Variants in AMDHD1 observed in about 807,000 individuals in gnomAD.
AMDHD1 encodes probable imidazolonepropionase.
In AMDHD1, 45 loss-of-function variants were observed where a neutral mutation model predicts 44.1. The ratio of observed to expected loss-of-function variants is 1.02; its 90% confidence interval spans 0.80 to 1.31. AMDHD1 has a LOEUF of 1.31. AMDHD1 is among the 50% of genes most tolerant of loss of function. The pLI is 0.00. For missense variants in AMDHD1, 586 were observed against 552.1 expected (o/e 1.06, Z -0.61); for synonymous variants, 206 against 205.0 (o/e 1.00, Z -0.04).
At position 95,954,975 on chromosome 12, in the gene AMDHD1, G is replaced by A; in HGVS notation, c.309G>A (p.Lys103=). The A allele has an allele frequency of 6.2e-7, 1 of 1,613,986 alleles. No individual in the cohort carries two copies. Among genetic ancestry groups the A allele is most frequent in the Non-Finnish European group, 8.5e-7 (1 of 1,179,888 alleles). ...AAAGAGTTCACGAATTTGCAATGAA[G>A]GTAACTGCAACAAATCATGGCAAAT... The part of the protein sequence containing the change: ...AGERVHEFAM[K]LAGATYMEIH... Residue 103 remains lysine (K), a splice_region_variant and synonymous_variant, in exon 3 of 9, where the codon AAG becomes AAA. Transcript: ENST00000266736.
At chr12:95,948,069 CCG>C (rs2080507546) in intron 1 of AMDHD1, among the ~76,000 whole-genome samples, 1 of 73,058 alleles carries the variant, frequency 1.4e-5, no homozygotes, top group Admixed American at 1.4e-4. Context: ...GCCAGCCGCC[CCG>C]TCTGGGAGTT....
chr12:95,964,749 A>G (rs2080600228), intron 6 of AMDHD1, among the ~76,000 whole-genome samples: 1 of 152,024 alleles, frequency 6.6e-6, no homozygotes, highest in Non-Finnish European at 1.5e-5. Context: ...TCATTGCTTT[A>G]ACGAGCTTTT....
intron 2 of AMDHD1, 30 bp from the exon 3 acceptor site, chr12:95,954,881 T>C (rs1167829217): frequency 2.5e-6 from 4 of 1,610,330 alleles, no homozygotes; most frequent in African/African-American, 2.7e-5. Context: ...TATTTCTTAA[T>C]TGTAAGATAA....
chr12:95,965,756 C>T lies in AMDHD1; in HGVS notation c.1009C>T (p.Pro337Ser). The T allele has an allele frequency of 6.2e-7, 1 of 1,611,680 alleles. No individual in the cohort carries two copies. The highest frequency in any genetic ancestry group is 8.5e-7 in the Non-Finnish European group (1 of 1,178,820). The stretch of plus-strand genomic sequence containing the variant: ...AGTTGCTCTGGGAAGTGATTTCAAC[C>T]CCAATGCATATTGCTTTTCAATGGT... ...VIVALGSDFN[P>S]NAYCFSMPMV... is the part of the protein sequence containing the mutation. The change falls in exon 7 of 9, where the codon CCC becomes TCC. Residue 337 changes from proline (P) to serine (S), a missense_variant. Coordinates refer to ENST00000266736, the MANE Select transcript of AMDHD1 (RefSeq NM_152435.3).
intron 5 of AMDHD1, 98 bp downstream of exon 5, chr12:95,960,721 T>C (rs2080577351): frequency 7.3e-6 from 9 of 1,228,548 alleles, no homozygotes; most frequent in African/African-American, 1.5e-5. Flanking sequence ...TCTGAAAAGA[T>C]ATTGAATGGG....
intron 4 of AMDHD1, among the ~76,000 whole-genome samples, chr12:95,958,263 T>C (rs1207653750): frequency 6.6e-6 from 1 of 152,050 alleles, no homozygotes; most frequent in East Asian, 1.9e-4. Context: ...TTAGCTATAG[T>C]CACTTTTTAA....
At chr12:95,963,915 A>C (rs1592826826) in intron 6 of AMDHD1, among the ~76,000 whole-genome samples, 1 of 151,584 alleles carries the variant, frequency 6.6e-6, no homozygotes, top group Non-Finnish European at 1.5e-5. Flanking sequence ...TGTAGTCCCA[A>C]CTACTCGGGA....
At chr12:95,966,697 A>C (rs770586555) in intron 8 of AMDHD1, among the ~76,000 whole-genome samples, 189 bp downstream of exon 8, 1 of 152,310 alleles carries the variant, frequency 6.6e-6, no homozygotes, top group East Asian at 1.9e-4. Context: ...GGGTAGACCA[A>C]GTTTTCAAGA....
intron 5 of AMDHD1, among the ~76,000 whole-genome samples, chr12:95,961,921 A>G (rs767589436): frequency 6.6e-6 from 1 of 152,232 alleles, no homozygotes; most frequent in Non-Finnish European, 1.5e-5. Flanking sequence ...TTGGGCTTAC[A>G]ACGGTTGGTT....
intron 4 of AMDHD1, among the ~76,000 whole-genome samples, chr12:95,957,320 G>A (rs1318184911): frequency 6.6e-6 from 1 of 152,176 alleles, no homozygotes; most frequent in Admixed American, 6.5e-5. Context: ...TGCTCTTTAA[G>A]AGGTAGCTCA....
At chr12:95,948,026 G>C (rs1222830256) in intron 1 of AMDHD1, among the ~76,000 whole-genome samples, 1 of 101,800 alleles carries the variant, frequency 9.8e-6, no homozygotes, top group African/African-American at 4.1e-5. Context: ...CGCCCTGTCC[G>C]GGAGGGAGGT....
At chr12:95,949,492 CAT>C (rs1368988875) in intron 1 of AMDHD1, among the ~76,000 whole-genome samples, 1 of 152,136 alleles carries the variant, frequency 6.6e-6, no homozygotes. Context: ...AATAAAACCA[CAT>C]GTGCCTATTA....
intron 3 of AMDHD1, among the ~76,000 whole-genome samples, chr12:95,955,690 AAG>A (rs2136764058): frequency 1.3e-5 from 2 of 152,324 alleles, no homozygotes; most frequent in East Asian, 3.9e-4. Context: ...TAGATGGAGA[AAG>A]CTGGGTCTAG....
chr12:95,960,435 A>G lies in AMDHD1; in HGVS notation c.625A>G (p.Asn209Asp), dbSNP rs1428260664. Residue 209 changes from asparagine to aspartate, a missense_variant, in exon 5 of 9, where the codon AAT (asparagine) becomes GAT (aspartate). Physicochemically the swap from Asn to Asp is conservative, Grantham distance 23 (BLOSUM62 1). Coordinates refer to ENST00000266736, the MANE Select transcript of AMDHD1 (RefSeq NM_152435.3). ...TATEAADDIINNHLPKLKELG... is the reference protein window; with the variant it reads ...TATEAADDIIDNHLPKLKELG... ...TACTGAAGCTGCTGATGACATCATC[A>G]ATAACCACCTCCCAAAGCTGAAGGA... 1 of 1,614,226 alleles carries G rather than the reference A, an allele frequency of 6.2e-7. No homozygotes were observed. Among genetic ancestry groups the G allele is most frequent in the Non-Finnish European group, 8.5e-7 (1 of 1,180,040 alleles).
At chr12:95,946,425 C>T (rs1026104328) in intron 1 of AMDHD1, among the ~76,000 whole-genome samples, 11 of 151,986 alleles carry the variant, frequency 7.2e-5, no homozygotes, top group East Asian at 1.9e-4. Flanking sequence ...TTGTGCTCAG[C>T]GTAGAGGATG....
At chr12:95,962,282 G>T in intron 5 of AMDHD1, 73 bp from the exon 6 acceptor site, 1 of 1,552,002 alleles carries the variant, frequency 6.4e-7, no homozygotes. Context: ...AACAAACAAA[G>T]CAATTTAATG....
chr12:95,952,550 G>A (rs1022843186), intron 1 of AMDHD1, among the ~76,000 whole-genome samples, 167 bp from the exon 2 acceptor site: 1 of 152,108 alleles, frequency 6.6e-6, no homozygotes, highest in Admixed American at 6.5e-5. Context: ...TTTTATGGTT[G>A]CCTCGAATGT....
rs2080552367 is a variant in AMDHD1, at chr12:95,956,744, G to C, written c.369G>C (p.Val123=). Residue 123 remains valine, a synonymous_variant, in exon 4 of 9, where the codon GTG becomes GTC. Transcript: ENST00000266736. ...CCGGAGGAGGGATCCACTTTACCGTGGAGCGCACGCGCCAAGCCACAGAGG... is the reference window on the plus strand; with the variant it reads ...CCGGAGGAGGGATCCACTTTACCGTCGAGCGCACGCGCCAAGCCACAGAGG... ...HQAGGGIHFT[V]ERTRQATEEE... 1 of 1,614,074 alleles carries C rather than the reference G, an allele frequency of 6.2e-7. No homozygotes were observed. The highest frequency in any genetic ancestry group is 1.3e-5 in the African/African-American group (1 of 74,944).
chr12:95,949,743 T>C (rs536097966), intron 1 of AMDHD1, among the ~76,000 whole-genome samples: 27 of 152,318 alleles, frequency 1.8e-4, no homozygotes, highest in African/African-American at 6.5e-4. Flanking sequence ...TCATAAATAG[T>C]GAAAATCTCA....
Sources: gnomAD v4.1 joint callset for allele counts (sites outside exome capture counted in the v4.1 genomes callset) on GRCh38, gnomAD v4.1.1 for gene constraint, MANE v1.5 for transcripts, NCBI Gene and HGNC (gene_info 2026-07-23, HGNC 2026-07-21) for gene names.